GNL3L: variants seen among roughly 807,000 people sequenced by gnomAD.
GNL3L encodes G protein nucleolar 3 like.
Under a neutral mutation model 42.9 loss-of-function variants are expected in GNL3L, and 4 were observed. That is an observed-to-expected ratio of 0.09 (90% confidence interval 0.05 to 0.21). The LOEUF (loss-of-function observed/expected upper bound fraction) is 0.21, where lower values mean the gene tolerates loss of function less well. Ranked by LOEUF, GNL3L falls within the 10% of genes least tolerant of loss-of-function variation. The pLI, the probability that GNL3L is intolerant of heterozygous loss-of-function variation, is 1.00. For missense variants in GNL3L, 412 were observed against 481.7 expected (o/e 0.86, Z 1.36); for synonymous variants, 159 against 176.3 (o/e 0.90, Z 0.78).
the GNL3L span, among the ~76,000 whole-genome samples, chrX:54,635,198 A>G: frequency 9.0e-6 from 1 of 110,913 alleles, no homozygotes; most frequent in African/African-American, 3.3e-5. Flanking sequence ...CCTCTAGTCA[A>G]TTTTTCATTT....
chrX:54,637,335 C>T, the GNL3L span, among the ~76,000 whole-genome samples: 2 of 111,733 alleles, frequency 1.8e-5, no homozygotes, highest in Non-Finnish European at 3.8e-5. Context: ...AATGTTGGCT[C>T]CAGGAGTACA....
Position 54,532,601 on chromosome X carries a change from C to T in GNL3L, c.19+16C>T. 8.8e-7 allele frequency: 1 copy of T among 1,132,286 alleles called. No individual in the cohort carries two copies. The highest frequency in any genetic ancestry group is 1.2e-6 in the Non-Finnish European group (1 of 823,108). 93.3% of individuals were successfully genotyped at this position (1,132,286 alleles called of 1,213,427 possible). ...CTTAGACACAGTGAGTTTCCTTTAC[C>T]ACCCCTCCCAATCCTGTGCTTTTAA... On this transcript the variant is annotated intron_variant, in intron 2 of 15. Transcript: ENST00000360845.
At chrX:54,613,248 A>G (rs1309306974) in intron 16 of GNL3L, among the ~76,000 whole-genome samples, 1 of 111,416 alleles carries the variant, frequency 9.0e-6, no homozygotes, top group Non-Finnish European at 1.9e-5. Flanking sequence ...AGCATTTTGC[A>G]TTTCTAAAAT....
chrX:54,627,154 G>A, the GNL3L span, among the ~76,000 whole-genome samples: 2 of 110,457 alleles, frequency 1.8e-5, no homozygotes, highest in East Asian at 2.9e-4. Context: ...GACTACAGAT[G>A]TGCGCCACGA....
chrX:54,615,378 A>T (rs1926208831), intron 16 of GNL3L, among the ~76,000 whole-genome samples: 1 of 112,068 alleles, frequency 8.9e-6, no homozygotes, highest in Admixed American at 9.5e-5. Context: ...GTTGCTATGA[A>T]CATACAGGTA....
At position 54,551,826 on chromosome X, in the gene GNL3L, C is replaced by G. The variant is rs1924950034; in HGVS notation, c.1039-6C>G. The G allele has an allele frequency of 7.4e-6, 9 of 1,210,194 alleles. No homozygotes were observed. Among genetic ancestry groups the G allele is most frequent in the Admixed American group, 2.2e-5 (1 of 45,826 alleles). On this transcript the variant is annotated splice_region_variant and splice_polypyrimidine_tract_variant and intron_variant, in intron 11 of 15. Coordinates refer to ENST00000360845, the MANE Select transcript of GNL3L (RefSeq NM_001184819.2). The stretch of plus-strand genomic sequence containing the variant: ...TCATGACTTCTCTCCTTCCTCCCTT[C>G]ACCAGATTTCCAACTATTATGGCGT...
At chrX:54,549,720 A>G (rs1924877692) in intron 9 of GNL3L, among the ~76,000 whole-genome samples, 1 of 112,463 alleles carries the variant, frequency 8.9e-6, no homozygotes, top group African/African-American at 3.2e-5. Context: ...TCCGTCTCAA[A>G]AAAAAGAAGA....
Position 54,566,502 on chromosome X carries a change from G to A in GNL3L, c.*5900G>A, listed in dbSNP as rs1336543000. On this transcript the variant is annotated 3_prime_UTR_variant, in exon 16 of 16. Coordinates refer to ENST00000360845, the MANE Select transcript of GNL3L (RefSeq NM_001184819.2). ...ACCCCTTCTGCCCACAACCTCTGGC[G>A]ACTGCCATGCTACTTTCTGTCTCTG... 8.9e-6 allele frequency among the ~76,000 whole-genome samples: 1 copy of A among 111,990 alleles called. No individual in the cohort carries two copies. Among genetic ancestry groups the A allele is most frequent in the East Asian group, 2.8e-4 (1 of 3,575 alleles).
Position 54,560,602 on chromosome X carries a change from A to G in GNL3L, c.1749A>G (p.Ter583=). ...SGNADDGVGD[*] ...ATGCTGATGATGGTGTTGGTGACTA[A>G]TCGACTGATCTCACTTCCCTTCCGC... The change falls in exon 16 of 16, where the codon TAA becomes TAG. Residue 583 remains the stop codon, a stop_retained_variant. Coordinates refer to ENST00000360845, the MANE Select transcript of GNL3L (RefSeq NM_001184819.2). 1 of 1,067,601 alleles carries G rather than the reference A, an allele frequency of 9.4e-7. No homozygotes were observed. Among genetic ancestry groups the G allele is most frequent in the Non-Finnish European group, 1.3e-6 (1 of 764,604 alleles). The allele number at this position is 1,067,601 out of a possible 1,213,427, so 88.0% of individuals were successfully genotyped here. A position where few individuals can be genotyped will look rare whatever the true frequency, so the allele number is the denominator to read the frequency against.
At position 54,553,040 on chromosome X, in the gene GNL3L, A is replaced by G. The variant is rs774341323; in HGVS notation, c.1318+612A>G. Among the ~76,000 whole-genome samples the G allele has an allele frequency of 4.5e-5, 5 of 112,301 alleles. No individual in the cohort carries two copies. The South Asian group carries it at 1.1e-3, about 25-fold the overall frequency. On this transcript the variant is annotated intron_variant, in intron 13 of 15. Coordinates refer to ENST00000360845, the MANE Select transcript of GNL3L (RefSeq NM_001184819.2). ...CAAATTACTTCACTTCTTTGTCTCAATGATGTCATCTGTAAAATGGGGACA... is the reference window on the plus strand; with the variant it reads ...CAAATTACTTCACTTCTTTGTCTCAGTGATGTCATCTGTAAAATGGGGACA...
intron 16 of GNL3L, among the ~76,000 whole-genome samples, chrX:54,590,922 C>T (rs1925863181): frequency 9.0e-6 from 1 of 110,763 alleles, no homozygotes; most frequent in Non-Finnish European, 1.9e-5. Context: ...CCTCTGCCTT[C>T]TGGGTTCAAG....
chrX:54,568,846 C>T (rs1043076019), downstream of GNL3L, among the ~76,000 whole-genome samples: 4 of 112,394 alleles, frequency 3.6e-5, no homozygotes, highest in Admixed American at 3.8e-4. Flanking sequence ...AGCCACGACG[C>T]CTGGCCAACA....
the GNL3L span, among the ~76,000 whole-genome samples, chrX:54,630,866 G>A: frequency 9.6e-6 from 1 of 104,039 alleles, no homozygotes; most frequent in South Asian, 4.5e-4. Flanking sequence ...GGAGTGCAGG[G>A]CACAATATTG....
chrX:54,641,879 C>T, the GNL3L span, among the ~76,000 whole-genome samples: 1 of 111,625 alleles, frequency 9.0e-6, no homozygotes, highest in African/African-American at 3.3e-5. Flanking sequence ...CCTGGGGGAG[C>T]AGTTCAAGGT....
downstream of GNL3L, among the ~76,000 whole-genome samples, chrX:54,569,728 TTC>T (rs1447732783): frequency 3.6e-5 from 4 of 111,974 alleles, no homozygotes; most frequent in Non-Finnish European, 5.6e-5. Flanking sequence ...TTAATTGATT[TTC>T]TCTGTTTTCT....
chrX:54,533,573 C>T (rs1411273080), intron 2 of GNL3L, among the ~76,000 whole-genome samples: 1 of 110,414 alleles, frequency 9.1e-6, no homozygotes, highest in Non-Finnish European at 1.9e-5. Context: ...ACTGTTAATA[C>T]CAAAAGCAAA....
rs192434656 is a variant in GNL3L at position 54,589,536 on chromosome X, C to G, written c.*45+28889C>G. Among the ~76,000 whole-genome samples the G allele has an allele frequency of 1.3e-3, 146 of 111,640 alleles. 1 individual carries two copies. Among genetic ancestry groups the G allele is most frequent in the Middle Eastern group, 4.6e-3 (1 of 216 alleles). ...CTTATTACACTTAACATAATGATCT[C>G]TAGTTCCAGCCATGTTGTTGCAAAT... On this transcript the variant is annotated intron_variant, in intron 16 of 16. Transcript: ENST00000674498.
chrX:54,532,681 G>A (rs1375749776), intron 2 of GNL3L, 96 bp downstream of exon 2: 3 of 707,018 alleles, frequency 4.2e-6, no homozygotes. Flanking sequence ...TTTGTTTTGA[G>A]ATGGAGTCTC....
At chrX:54,639,040 C>T in the GNL3L span, among the ~76,000 whole-genome samples, 3 of 111,552 alleles carry the variant, frequency 2.7e-5, no homozygotes, top group Non-Finnish European at 5.6e-5. Context: ...ATACACTTCT[C>T]TAGGAGTCTT....
Sources: gnomAD v4.1 joint callset for allele counts (sites outside exome capture counted in the v4.1 genomes callset) on GRCh38, gnomAD v4.1.1 for gene constraint, MANE v1.5 for transcripts, NCBI Gene and HGNC (gene_info 2026-07-23, HGNC 2026-07-21) for gene names.